The following SHISA9 variants were observed in gnomAD, a reference collection of about 807,000 sequenced individuals.
The protein encoded by SHISA9 is protein shisa-9.
Under a neutral mutation model 38.0 loss-of-function variants are expected in SHISA9, and 13 were observed. The ratio of observed to expected loss-of-function variants is 0.34; its 90% confidence interval spans 0.22 to 0.54. The LOEUF (loss-of-function observed/expected upper bound fraction) is 0.54, where lower values mean the gene tolerates loss of function less well. SHISA9 is among the 20% of genes least tolerant of loss of function. The pLI, the probability that SHISA9 is intolerant of heterozygous loss-of-function variation, is 0.91. For synonymous variants in SHISA9, 275 were observed against 242.0 expected (o/e 1.14, Z -1.27); for missense variants, 538 against 575.8 (o/e 0.93, Z 0.67).
the SHISA9 span, among the ~76,000 whole-genome samples, chr16:13,534,306 C>T: frequency 6.7e-6 from 1 of 149,998 alleles, no homozygotes; most frequent in Non-Finnish European, 1.5e-5. Flanking sequence ...CTCACTGCAA[C>T]ATTTACCTCC....
chr16:12,960,484 A>G (rs1380674653), intron 2 of SHISA9, among the ~76,000 whole-genome samples: 5 of 152,178 alleles, frequency 3.3e-5, no homozygotes, highest in Admixed American at 6.5e-5. Context: ...CATTGCAGCA[A>G]TATTCACAAT....
intron 4 of SHISA9, among the ~76,000 whole-genome samples, chr16:13,214,622 T>C (rs534724192): frequency 6.6e-6 from 1 of 152,312 alleles, no homozygotes; most frequent in Admixed American, 6.5e-5. Context: ...TACCCAAGAC[T>C]GGGCAATTTA....
chr16:13,469,821 C>T, the SHISA9 span, among the ~76,000 whole-genome samples: 4 of 140,504 alleles, frequency 2.8e-5, no homozygotes, highest in African/African-American at 1.0e-4. Context: ...GGTTGAATTT[C>T]ACCATTAAGC....
At chr16:13,044,771 A>G (rs1596608658) in intron 2 of SHISA9, among the ~76,000 whole-genome samples, 2 of 152,348 alleles carry the variant, frequency 1.3e-5, no homozygotes, top group African/African-American at 4.8e-5. Flanking sequence ...CGAATGCCAC[A>G]CTGGTAGTTC....
At chr16:12,971,583 T>C (rs1162567055) in intron 2 of SHISA9, among the ~76,000 whole-genome samples, 1 of 152,200 alleles carries the variant, frequency 6.6e-6, no homozygotes, top group African/African-American at 2.4e-5. Flanking sequence ...TGCTGTTTTT[T>C]AAACACTTTA....
At chr16:13,260,180 C>T in the SHISA9 span, among the ~76,000 whole-genome samples, 1 of 151,544 alleles carries the variant, frequency 6.6e-6, no homozygotes, top group African/African-American at 2.4e-5. Context: ...CCATGCCCAG[C>T]TGATTTTTTG....
chr16:13,367,710 GCGCACACACACACA>G, the SHISA9 span, among the ~76,000 whole-genome samples: 41 of 90,578 alleles, frequency 4.5e-4, no homozygotes, highest in African/African-American at 1.2e-3. Flanking sequence ...GCGCGCGCGC[GCGCACACACACACA>G]CACACACACA....
the SHISA9 span, among the ~76,000 whole-genome samples, chr16:13,320,246 G>A: frequency 1.6e-5 from 2 of 125,290 alleles, no homozygotes; most frequent in South Asian, 2.7e-4. Flanking sequence ...AGCCAAGATC[G>A]CATGCCACTG....
At chr16:12,912,746 C>T (rs999658777) in intron 1 of SHISA9, among the ~76,000 whole-genome samples, 3 of 152,282 alleles carry the variant, frequency 2.0e-5, no homozygotes, top group African/African-American at 7.2e-5. Context: ...CCTCCCAATC[C>T]CCGCACTGCT....
At chr16:13,294,357 T>A in the SHISA9 span, among the ~76,000 whole-genome samples, 1 of 152,332 alleles carries the variant, frequency 6.6e-6, no homozygotes, top group Non-Finnish European at 1.5e-5. Context: ...ATGTTAAAGT[T>A]AGTTAGGCCA....
At chr16:13,470,388 G>A in the SHISA9 span, among the ~76,000 whole-genome samples, 3 of 152,162 alleles carry the variant, frequency 2.0e-5, no homozygotes, top group Non-Finnish European at 2.9e-5. Context: ...AGACATACCC[G>A]AGACTGGGTA....
intron 2 of SHISA9, among the ~76,000 whole-genome samples, chr16:13,004,494 G>A (rs2072570068): frequency 6.6e-6 from 1 of 152,202 alleles, no homozygotes; most frequent in African/African-American, 2.4e-5. Context: ...AAGGCTTTAA[G>A]CAGAGGGAAT....
At chr16:13,022,530 C>T (rs2072870481) in intron 2 of SHISA9, among the ~76,000 whole-genome samples, 1 of 152,064 alleles carries the variant, frequency 6.6e-6, no homozygotes, top group Non-Finnish European at 1.5e-5. Flanking sequence ...GGGGTTTCAC[C>T]ATGTTGGCCA....
chr16:13,306,531 T>C, the SHISA9 span, among the ~76,000 whole-genome samples: 1 of 152,160 alleles, frequency 6.6e-6, no homozygotes, highest in Admixed American at 6.5e-5. Context: ...GAGAATGGCT[T>C]AACTGCTCAG....
chr16:13,316,121 A>G, the SHISA9 span, among the ~76,000 whole-genome samples: 1 of 152,128 alleles, frequency 6.6e-6, no homozygotes, highest in South Asian at 2.1e-4. Flanking sequence ...GAGCCTGGGC[A>G]TGGAGCGATG....
At chr16:13,177,033 G>A (rs2050737380) in intron 2 of SHISA9, among the ~76,000 whole-genome samples, 1 of 152,144 alleles carries the variant, frequency 6.6e-6, no homozygotes, top group Non-Finnish European at 1.5e-5. Context: ...GCTGGCTGGG[G>A]AAAGCCTGAT....
At chr16:13,427,102 T>C in the SHISA9 span, among the ~76,000 whole-genome samples, 5 of 152,218 alleles carry the variant, frequency 3.3e-5, no homozygotes, top group Non-Finnish European at 2.9e-5. Context: ...TCTGAAACAT[T>C]GTTGGCTGGC....
intron 2 of SHISA9, among the ~76,000 whole-genome samples, chr16:13,119,682 T>C (rs2074066720): frequency 1.3e-5 from 2 of 152,332 alleles, no homozygotes; most frequent in South Asian, 2.1e-4. Flanking sequence ...TGCTGTTTTC[T>C]TCAGAGGTCT....
At chr16:13,114,465 C>CAAAAAAAA (rs58742818) in intron 2 of SHISA9, among the ~76,000 whole-genome samples, 1 of 51,018 alleles carries the variant, frequency 2.0e-5, no homozygotes, top group Non-Finnish European at 4.3e-5. Flanking sequence ...GATTCCATCT[C>CAAAAAAAA]AAAAAAAAAA....
Sources: gnomAD v4.1 joint callset for allele counts (sites outside exome capture counted in the v4.1 genomes callset) on GRCh38, gnomAD v4.1.1 for gene constraint, MANE v1.5 for transcripts, NCBI Gene and HGNC (gene_info 2026-07-23, HGNC 2026-07-21) for gene names.